CHD7: variants seen among roughly 807,000 people sequenced by gnomAD.
CHD7 encodes the protein chromodomain helicase DNA binding protein 7, also known as ATP-dependent chromatin remodeler CHD7.
CHD7 carries 24 observed loss-of-function variants against 307.3 expected under a neutral mutation model. The ratio of observed to expected loss-of-function variants is 0.08; its 90% CI spans 0.06 to 0.11. CHD7 has a LOEUF of 0.11. CHD7 is among the 10% of genes least tolerant of loss of function. The probability of loss-of-function intolerance (pLI) is 1.00; values close to 1 mark genes in which losing one functional copy is unlikely to be tolerated. For missense variants in CHD7, 3,106 were observed against 3,727.1 expected, an observed-to-expected ratio of 0.83 and a Z score of 4.34; for synonymous variants, 1,363 against 1,349.9, an observed-to-expected ratio of 1.01 and a Z score of -0.21.
In CHD7 at chr8:60,865,305, C is replaced by T. The variant is rs376934539; in HGVS notation, c.8366C>T (p.Ala2789Val). The change falls in exon 38 of 38, where the codon GCG (alanine) becomes GTG (valine). Residue 2789 changes from alanine (A) to valine (V), a missense_variant. Coordinates refer to ENST00000423902, the MANE Select transcript of CHD7 (RefSeq NM_017780.4). This position sits in a 1 kb window ranked among gnomAD's most constrained non-coding sequence, Gnocchi z 4.3. Reference sequence around the variant, plus strand: ...ACAGCTGCCACCGCCGGAGGCGATGCGAAGAACCCTGCTGCTGTGCTGCCC... The same window carrying T: ...ACAGCTGCCACCGCCGGAGGCGATGTGAAGAACCCTGCTGCTGTGCTGCCC... ...LATAATAGGDAKNPAAVLPLM... is the reference protein window; with the variant it reads ...LATAATAGGDVKNPAAVLPLM... 151 of 1,611,066 alleles carry T rather than the reference C, an allele frequency of 9.4e-5. 1 individual carries two copies. The highest frequency in any genetic ancestry group is 6.6e-4 in the Middle Eastern group (4 of 6,058).
chr8:60,837,811 T>C lies in CHD7; in HGVS notation c.4329T>C (p.Ser1443=). 6.2e-7 allele frequency: 1 copy of C among 1,612,714 alleles called. No homozygotes were observed. Among genetic ancestry groups the C allele is most frequent in the Non-Finnish European group, 8.5e-7 (1 of 1,179,098 alleles). The change falls in exon 18 of 38, where the codon AGT becomes AGC. Residue 1443 remains serine, a synonymous_variant. Coordinates refer to ENST00000423902, the MANE Select transcript of CHD7 (RefSeq NM_017780.4). ...GLDKAVLQSM[S]GRENATNGVQ... Reference sequence around the variant, plus strand: ...ATAAAGCTGTGCTACAGTCTATGAGTGGAAGAGAAAATGCTACCAATGGGG... The same window carrying C: ...ATAAAGCTGTGCTACAGTCTATGAGCGGAAGAGAAAATGCTACCAATGGGG...
chr8:60,794,114 CTG>C (rs1414677840), intron 3 of CHD7, among the ~76,000 whole-genome samples: 1 of 151,570 alleles, frequency 6.6e-6, no homozygotes, highest in African/African-American at 2.4e-5. Context: ...AAGAGTGAAA[CTG>C]TGTCTCAAAA....
At chr8:60,780,329 T>G (rs7009754) in intron 2 of CHD7, among the ~76,000 whole-genome samples, 121,874 of 152,196 alleles carry the variant, frequency 0.8, 48,975 homozygotes, top group East Asian at 0.94. Flanking sequence ...TATCTCTCCC[T>G]TGGTGAAATT....
chr8:60,717,153 C>G (rs987784876), intron 1 of CHD7, among the ~76,000 whole-genome samples: 2 of 151,158 alleles, frequency 1.3e-5, no homozygotes, highest in Non-Finnish European at 2.9e-5. Context: ...ACTTTGATCA[C>G]TTGGTAAAGG....
chr8:60,742,780 A>G lies in CHD7; in HGVS notation c.1348A>G (p.Met450Val). 3 of 1,614,040 alleles carry G rather than the reference A, an allele frequency of 1.9e-6. No individual in the cohort carries two copies. The highest frequency in any genetic ancestry group is 2.5e-6 in the Non-Finnish European group (3 of 1,179,892). Residue 450 changes from methionine to valine, a missense_variant, in exon 2 of 38, where the codon ATG becomes GTG. Met to Val is a conservative substitution (Grantham distance 21). This residue lies in a region of CHD7 where 998 missense variants were observed against 1,004.5 expected (regional missense o/e 0.99). Transcript: ENST00000423902. ...PGAMGIGQRNMGPRNMQQSRP... is the reference protein window; with the variant it reads ...PGAMGIGQRNVGPRNMQQSRP... ...TGCCATGGGAATCGGACAGAGGAAT[A>G]TGGGCCCCAGAAACATGCAGCAGTC... is the stretch of plus-strand genomic sequence containing the variant.
rs1563533789 is a variant in CHD7, at chr8:60,710,200, GA to G, written c.-174-31058del. On this transcript the variant is annotated intron_variant, in intron 1 of 37. Coordinates refer to ENST00000423902, the MANE Select transcript of CHD7 (RefSeq NM_017780.4). ...GATTTCAAAATACACGCTCTTAGTT[GA>G]TCATAATTCTTGTGCAAACTTTGAA... 1.3e-4 allele frequency among the ~76,000 whole-genome samples: 20 copies of G among 150,778 alleles called. 1 individual carries two copies. The highest frequency in any genetic ancestry group is 4.6e-4 in the African/African-American group (19 of 41,108).
intron 6 of CHD7, among the ~76,000 whole-genome samples, chr8:60,807,121 G>A (rs1812571712): frequency 6.6e-6 from 1 of 152,228 alleles, no homozygotes; most frequent in Admixed American, 6.5e-5. Context: ...GAAGGTTGGA[G>A]ATTGAGGGGA....
intron 1 of CHD7, among the ~76,000 whole-genome samples, chr8:60,692,138 C>G (rs1806225030): frequency 1.3e-5 from 2 of 152,264 alleles, no homozygotes; most frequent in Non-Finnish European, 1.5e-5. Flanking sequence ...GTCCATCATT[C>G]ATATTATAAG....
chr8:60,829,488 C>T (rs986004117), intron 14 of CHD7, among the ~76,000 whole-genome samples: 3 of 151,664 alleles, frequency 2.0e-5, no homozygotes, highest in Non-Finnish European at 4.4e-5. Context: ...GTAGCCCCAG[C>T]TACTCTGGAC....
intron 3 of CHD7, among the ~76,000 whole-genome samples, chr8:60,783,275 A>AT (rs1479583541): frequency 6.6e-6 from 1 of 152,234 alleles, no homozygotes; most frequent in Non-Finnish European, 1.5e-5. Context: ...TGGGGCAGAT[A>AT]TTAAAATGCT....
At chr8:60,679,551 G>A (rs1586148816) in intron 1 of CHD7, 1 of 148,234 alleles carries the variant, frequency 6.7e-6, no homozygotes, top group East Asian at 2.0e-4. Flanking sequence ...AGAGAAAAAG[G>A]AAGGAGGAAA....
At position 60,737,590 on chromosome 8, in the gene CHD7, C is replaced by T. The variant is rs371657109; in HGVS notation, c.-174-3669C>T. ...TTGATGATTCTGTTAGTTGAGTGGT[C>T]TCGTTGTGACCCCTCCTCACCCCCA... is the stretch of plus-strand genomic sequence containing the variant. On this transcript the variant is annotated intron_variant, in intron 1 of 37. Transcript: ENST00000423902. 2.0e-5 allele frequency among the ~76,000 whole-genome samples: 3 copies of T among 152,156 alleles called. No homozygotes were observed. The East Asian group carries it at 5.8e-4, about 30-fold the overall frequency.
At chr8:60,708,027 A>G (rs1807099447) in intron 1 of CHD7, among the ~76,000 whole-genome samples, 1 of 152,234 alleles carries the variant, frequency 6.6e-6, no homozygotes, top group South Asian at 2.1e-4. Context: ...TGCAGGATTT[A>G]AAGAATCTAC....
intron 1 of CHD7, among the ~76,000 whole-genome samples, chr8:60,705,165 A>C (rs1806960588): frequency 6.6e-6 from 1 of 152,182 alleles, no homozygotes; most frequent in African/African-American, 2.4e-5. Flanking sequence ...GTGGAGTCTA[A>C]AAGTGAGGGA....
chr8:60,753,063 C>CA (rs1283786395), intron 2 of CHD7, among the ~76,000 whole-genome samples: 10 of 152,214 alleles, frequency 6.6e-5, no homozygotes, highest in Non-Finnish European at 1.2e-4. Flanking sequence ...TCAAATATGT[C>CA]AGAGACATTT....
At chr8:60,746,188 C>CATTTTTGT (rs1809316825) in intron 2 of CHD7, among the ~76,000 whole-genome samples, 1 of 152,138 alleles carries the variant, frequency 6.6e-6, no homozygotes, top group South Asian at 2.1e-4. Flanking sequence ...CGCGCACCAC[C>CATTTTTGT]GTGCCTGGCT....
Position 60,867,850 on chromosome 8 carries a change from C to T in CHD7, c.*1917C>T, listed in dbSNP as rs1010982240. 3 of 152,130 alleles carry T rather than the reference C, an allele frequency of 2.0e-5. No homozygotes were observed. The highest frequency in any genetic ancestry group is 4.8e-5 in the African/African-American group (2 of 41,424). The allele number at this position is 152,130 out of a possible 1,614,324, so 9.4% of individuals were successfully genotyped here. Reference sequence around the variant, plus strand: ...CGTTGTCTGCTGAAAGTGAATGGGCCGTGCACACTGGAGGAAAGTGCCTTG... The same window carrying T: ...CGTTGTCTGCTGAAAGTGAATGGGCTGTGCACACTGGAGGAAAGTGCCTTG... On this transcript the variant is annotated 3_prime_UTR_variant, in exon 38 of 38. Transcript: ENST00000423902.
At chr8:60,806,225 A>C (rs1168626252) in intron 6 of CHD7, among the ~76,000 whole-genome samples, 1 of 152,056 alleles carries the variant, frequency 6.6e-6, no homozygotes, top group Non-Finnish European at 1.5e-5. Context: ...TTAGCCGGGC[A>C]TGGTGGCGGG....
chr8:60,718,116 C>T (rs1807704232), intron 1 of CHD7, among the ~76,000 whole-genome samples: 1 of 152,184 alleles, frequency 6.6e-6, no homozygotes, highest in South Asian at 2.1e-4. Context: ...AGATGGAAGA[C>T]AGTGATATTG....
Sources: gnomAD v4.1 joint callset for allele counts (sites outside exome capture counted in the v4.1 genomes callset) on GRCh38, gnomAD v4.1.1 for gene constraint, gnomAD v4.1.1 regional missense constraint, Gnocchi (gnomAD v3.1) non-coding constraint, MANE v1.5 for transcripts, NCBI Gene and HGNC (gene_info 2026-07-23, HGNC 2026-07-21) for gene names.